SPTB: variants seen among roughly 807,000 people sequenced by gnomAD.
The protein encoded by SPTB is spectrin beta chain, erythrocytic.
Under a neutral mutation model 256.2 loss-of-function variants are expected in SPTB, and 45 were observed. The ratio of observed to expected loss-of-function variants is 0.18; its 90% CI spans 0.14 to 0.23. The LOEUF is 0.23. Ranked by LOEUF, SPTB falls within the 10% of genes least tolerant of loss-of-function variation. The pLI, the probability that SPTB is intolerant of heterozygous loss-of-function variation, is 1.00. For missense variants in SPTB, 2,715 were observed against 3,040.4 expected, an observed-to-expected ratio of 0.89 and a Z score of 2.52; for synonymous variants, 1,231 against 1,243.1, an observed-to-expected ratio of 0.99 and a Z score of 0.21.
chr14:64,753,792 C>T lies in SPTB; in HGVS notation c.6347G>A (p.Gly2116Glu). 6.2e-7 allele frequency: 1 copy of T among 1,612,874 alleles called. No individual in the cohort carries two copies. Among genetic ancestry groups the T allele is most frequent in the Non-Finnish European group, 8.5e-7 (1 of 1,180,008 alleles). Residue 2116 changes from glycine (G) to glutamate (E), a missense_variant and splice_region_variant, in exon 33 of 36, where the codon GGG becomes GAG. Coordinates refer to ENST00000644917, the MANE Select transcript of SPTB (RefSeq NM_001355436.2). ...HHAATERTSP[G>E]EEEGTWPQNL... is the part of the protein sequence containing the mutation. The stretch of plus-strand genomic sequence containing the variant: ...CTGAGGCCACGTTCCCTCTTCTTCC[C>T]CCTGCTCAGGGCATAGGGAGGAGCA...
intron 1 of SPTB, among the ~76,000 whole-genome samples, chr14:64,854,977 G>T (rs1448044750): frequency 6.6e-6 from 1 of 152,148 alleles, no homozygotes. Context: ...AGGAAGTGGC[G>T]CCTGAATGAG....
Position 64,749,585 on chromosome 14 carries a change from G to C in SPTB, c.6819+69C>G, listed in dbSNP as rs2081910786. ...CTGCCCCTTCTGAGGGGGCCTCCAG[G>C]GCAAGCGGCCTGGGGTCCTCCACCT... On this transcript the variant is annotated intron_variant, in intron 35 of 35. Transcript: ENST00000644917. This position sits in a 1 kb window ranked among gnomAD's most constrained non-coding sequence, Gnocchi z 4.7. 2 of 1,609,050 alleles carry C rather than the reference G, an allele frequency of 1.2e-6. No homozygotes were observed. The highest frequency in any genetic ancestry group is 2.2e-5 in the South Asian group (2 of 90,984).
chr14:64,865,840 C>G (rs533089667), intron 1 of SPTB, among the ~76,000 whole-genome samples: 4 of 152,222 alleles, frequency 2.6e-5, no homozygotes, highest in Non-Finnish European at 4.4e-5. Context: ...CTTCACTCCC[C>G]GTACCTGCAA....
chr14:64,784,212 A>G (rs979634747), intron 19 of SPTB, 35 bp downstream of exon 19: 1 of 1,613,654 alleles, frequency 6.2e-7, no homozygotes, highest in East Asian at 2.2e-5. Context: ...CTATCTGAGC[A>G]GAGCACCCAC....
chr14:64,765,019 T>TGTGTGA (rs1555366133), intron 32 of SPTB, among the ~76,000 whole-genome samples: 1 of 103,858 alleles, frequency 9.6e-6, no homozygotes, highest in African/African-American at 4.2e-5. Flanking sequence ...CACAGAGGAG[T>TGTGTGA]GTGTGCGTGT....
chr14:64,797,287 T>A (rs545225942), intron 10 of SPTB, among the ~76,000 whole-genome samples: 1 of 151,736 alleles, frequency 6.6e-6, no homozygotes, highest in Admixed American at 6.6e-5. Context: ...CTAGGCAACA[T>A]TGCCAGACTC....
chr14:64,782,497 C>T lies in SPTB; in HGVS notation c.4059G>A (p.Lys1353=), dbSNP rs1462361130. ...CCCAGAGCCGGTGCAGGGCTTCCAG[C>T]TTTTGGGACACCAGGGCTGTAAACT... ...KPQFTALVSQ[K]LEALHRLWDE... The change falls in exon 20 of 36, where the codon AAG becomes AAA. Residue 1353 remains lysine, a synonymous_variant. Transcript: ENST00000644917. 4 of 1,613,974 alleles carry T rather than the reference C, an allele frequency of 2.5e-6. No individual in the cohort carries two copies. Among genetic ancestry groups the T allele is most frequent in the Non-Finnish European group, 3.4e-6 (4 of 1,180,040 alleles).
In SPTB at chr14:64,803,703, C is replaced by T; in HGVS notation, c.378G>A (p.Gln126=). ...VDKALQFLKE[Q]RVHLENMGSH... ...AGCCCATGTTCTCCAGGTGTACACGCTGCTCCTTGAGGAACTGGAGAGCCT... is the reference window on the plus strand; with the variant it reads ...AGCCCATGTTCTCCAGGTGTACACGTTGCTCCTTGAGGAACTGGAGAGCCT... Residue 126 remains glutamine (Q), a synonymous_variant, in exon 4 of 36, where the codon CAG becomes CAA. Transcript: ENST00000644917. 6.2e-7 allele frequency: 1 copy of T among 1,614,184 alleles called. No homozygotes were observed. Among genetic ancestry groups the T allele is most frequent in the Non-Finnish European group, 8.5e-7 (1 of 1,180,028 alleles).
chr14:64,836,410 A>G (rs1216230191), intron 1 of SPTB, among the ~76,000 whole-genome samples: 1 of 152,226 alleles, frequency 6.6e-6, no homozygotes, highest in Non-Finnish European at 1.5e-5. Flanking sequence ...TATAAACTGT[A>G]TAGTACCAGA....
chr14:64,767,535 A>G (rs2082205290), intron 30 of SPTB, 128 bp downstream of exon 30: 3 of 1,411,340 alleles, frequency 2.1e-6, no homozygotes, highest in South Asian at 2.3e-5. Context: ...TTTCCTTCCC[A>G]TTGTCGCTGC....
At chr14:64,838,076 T>C (rs996348694) in intron 1 of SPTB, among the ~76,000 whole-genome samples, 2 of 152,190 alleles carry the variant, frequency 1.3e-5, no homozygotes, top group African/African-American at 4.8e-5. Flanking sequence ...GATAGACATA[T>C]ATATCAACGG....
intron 10 of SPTB, 136 bp downstream of exon 10, chr14:64,797,593 C>T: frequency 2.5e-6 from 2 of 808,828 alleles, no homozygotes; most frequent in Non-Finnish European, 2.2e-6. Flanking sequence ...CGATAACTCC[C>T]CCAAATAGTC....
chr14:64,842,832 G>A (rs12437108), intron 1 of SPTB, among the ~76,000 whole-genome samples: 83,735 of 152,046 alleles, frequency 0.55, 26,022 homozygotes, highest in Non-Finnish European at 0.71. Context: ...CACTTTGGGA[G>A]GCTAAAGCAG....
At chr14:64,784,523 C>T in intron 18 of SPTB, 130 bp from the exon 19 acceptor site, 3 of 1,236,946 alleles carry the variant, frequency 2.4e-6, no homozygotes, top group Non-Finnish European at 3.5e-6. Flanking sequence ...GAGAACCCAT[C>T]TGCAGTTCTG....
In SPTB at chr14:64,757,656, C is replaced by T. The variant is rs143063442; in HGVS notation, c.6346-3863G>A. On this transcript the variant is annotated intron_variant, in intron 32 of 35. Coordinates refer to ENST00000644917, the MANE Select transcript of SPTB (RefSeq NM_001355436.2). The stretch of plus-strand genomic sequence containing the variant: ...TCCCTTCCTCTCTGGGAGGGGGGAG[C>T]GGACACAGGTGAGAAAGGTGAGGTG... 1,158 of 152,306 alleles carry T rather than the reference C, an allele frequency of 7.6e-3. 9 individuals carry two copies. Among genetic ancestry groups the T allele is most frequent in the African/African-American group, 0.016 (655 of 41,490 alleles). The allele number at this position is 152,306 out of a possible 1,614,324, so 9.4% of individuals were successfully genotyped here. A position where few individuals can be genotyped will look rare whatever the true frequency, so the allele number is the denominator to read the frequency against.
At chr14:64,849,541 A>G (rs1434612257) in intron 1 of SPTB, among the ~76,000 whole-genome samples, 1 of 152,208 alleles carries the variant, frequency 6.6e-6, no homozygotes, top group Non-Finnish European at 1.5e-5. Flanking sequence ...CAACTCAGAC[A>G]AAACAATATT....
intron 1 of SPTB, among the ~76,000 whole-genome samples, chr14:64,860,967 C>G (rs976847861): frequency 2.6e-5 from 4 of 152,072 alleles, no homozygotes; most frequent in African/African-American, 9.7e-5. Flanking sequence ...TGGAACCAAC[C>G]CAAATGCCTG....
intron 1 of SPTB, among the ~76,000 whole-genome samples, chr14:64,874,718 A>G (rs1882724147): frequency 1.3e-5 from 2 of 152,244 alleles, no homozygotes. Flanking sequence ...ATTGCTATAC[A>G]TTCTCAAGTG....
At chr14:64,794,733 G>A (rs574464242) in intron 12 of SPTB, 116 bp from the exon 13 acceptor site, 3 of 1,387,568 alleles carry the variant, frequency 2.2e-6, no homozygotes, top group Admixed American at 3.7e-5. Flanking sequence ...TGAGCCAAAT[G>A]CAGCCAGAAA....
Sources: gnomAD v4.1 joint callset for allele counts (sites outside exome capture counted in the v4.1 genomes callset) on GRCh38, gnomAD v4.1.1 for gene constraint, Gnocchi (gnomAD v3.1) non-coding constraint, MANE v1.5 for transcripts, NCBI Gene and HGNC (gene_info 2026-07-23, HGNC 2026-07-21) for gene names.